Variants in DMD observed in about 807,000 individuals in gnomAD.
DMD encodes dystrophin.
A neutral mutation model predicts 330.1 loss-of-function variants in DMD; 63 were observed. The ratio of observed to expected loss-of-function variants is 0.19; its 90% CI spans 0.16 to 0.24. The LOEUF is 0.24. DMD is among the 10% of genes least tolerant of loss of function. The pLI, the probability that DMD is intolerant of heterozygous loss-of-function variation, is 1.00. For missense variants in DMD, 3,344 were observed against 2,684.1 expected (o/e 1.25, Z -5.43); for synonymous variants, 1,223 against 959.8 (o/e 1.27, Z -5.07).
rs2092333809 is a variant in DMD at position 32,970,307 on chromosome X, T to C, written c.93+49832A>G. Among the ~76,000 whole-genome samples, 2 of 94,377 alleles carry C rather than the reference T, an allele frequency of 2.1e-5. 1 individual carries two copies. The highest frequency in any genetic ancestry group is 9.6e-5 in the African/African-American group (2 of 20,902). 82.0% of individuals were successfully genotyped at this position (94,377 alleles called of 115,157 possible). A position where few individuals can be genotyped will look rare whatever the true frequency, so the allele number is the denominator to read the frequency against. ...ACTTAATTGTAAATTTAAAAATAAC[T>C]AAAAGAGTGTAATTGGATTGCTTGT... On this transcript the variant is annotated intron_variant, in intron 2 of 78. Transcript: ENST00000357033.
At chrX:32,566,928 T>A (rs1256091904) in intron 15 of DMD, among the ~76,000 whole-genome samples, 1 of 112,057 alleles carries the variant, frequency 8.9e-6, no homozygotes, top group Non-Finnish European at 1.9e-5. Context: ...GAATGTAAAC[T>A]AAATCGCGAT....
chrX:32,561,719 C>T (rs973590026), intron 16 of DMD, among the ~76,000 whole-genome samples: 1 of 111,098 alleles, frequency 9.0e-6, no homozygotes, highest in Admixed American at 9.7e-5. Flanking sequence ...CTGAGCAGAC[C>T]AACCCCAACA....
At chrX:32,402,883 G>T (rs1257406046) in intron 30 of DMD, among the ~76,000 whole-genome samples, 3 of 111,273 alleles carry the variant, frequency 2.7e-5, no homozygotes, top group Admixed American at 9.6e-5. Flanking sequence ...ATCTTTCTTT[G>T]GTGCTATCTA....
At chrX:32,154,851 C>T (rs1172657948) in intron 44 of DMD, among the ~76,000 whole-genome samples, 1 of 96,388 alleles carries the variant, frequency 1.0e-5, no homozygotes, top group Admixed American at 1.3e-4. Context: ...AGGGCACAAG[C>T]TTTGAAAAAA....
rs1039472917 is a variant in DMD at position 33,125,012 on chromosome X, G to A, written c.31+86270C>T. Among the ~76,000 whole-genome samples the A allele has an allele frequency of 3.4e-3, 213 of 62,009 alleles. 1 individual carries two copies. The highest frequency in any genetic ancestry group is 8.7e-3 in the African/African-American group (129 of 14,785). 53.8% of individuals were successfully genotyped at this position (62,009 alleles called of 115,157 possible). A position where few individuals can be genotyped will look rare whatever the true frequency, so the allele number is the denominator to read the frequency against. On this transcript the variant is annotated intron_variant, in intron 1 of 78. Coordinates refer to ENST00000357033, the MANE Select transcript of DMD (RefSeq NM_004006.3). The stretch of plus-strand genomic sequence containing the variant: ...GCACTCCAGCCTGGGCAACAAGAGC[G>A]AAAGTCCATCTAAAAAAAAAAAAAA...
At chrX:31,202,509 T>C (rs1311015080) in intron 67 of DMD, among the ~76,000 whole-genome samples, 3 of 99,896 alleles carry the variant, frequency 3.0e-5, no homozygotes, top group Admixed American at 1.2e-4. Context: ...AATGAACTTA[T>C]TATGTGTGCA....
At position 32,742,123 on chromosome X, in the gene DMD, A is replaced by T. The variant is rs1271170296; in HGVS notation, c.650-42830T>A. On this transcript the variant is annotated intron_variant, in intron 7 of 78. Transcript: ENST00000357033. ...TGGCTATGGTCATGCCACTATGATG[A>T]CCTGGTTACACAGCTACCACCCATT... Among the ~76,000 whole-genome samples the T allele has an allele frequency of 9.9e-5, 11 of 111,505 alleles. No homozygotes were observed. In the Admixed American group the frequency reaches 1.1e-3, roughly 11 times the overall value.
intron 47 of DMD, among the ~76,000 whole-genome samples, chrX:31,887,363 G>A (rs1314048980): frequency 9.0e-6 from 1 of 111,321 alleles, no homozygotes; most frequent in Non-Finnish European, 1.9e-5. Flanking sequence ...AAAATTGTGT[G>A]ACTGATTTCC....
intron 47 of DMD, among the ~76,000 whole-genome samples, chrX:31,906,713 A>G (rs894988377): frequency 9.0e-6 from 1 of 110,866 alleles, no homozygotes; most frequent in African/African-American, 3.4e-5. Context: ...TCCTTGTATA[A>G]CATAAGTCAT....
At chrX:32,038,518 T>C (rs1409086358) in intron 44 of DMD, among the ~76,000 whole-genome samples, 2 of 110,744 alleles carry the variant, frequency 1.8e-5, no homozygotes, top group Non-Finnish European at 3.8e-5. Context: ...CTGGGCGAGG[T>C]CATCAGGGAC....
At chrX:31,839,460 A>C (rs2093271913) in intron 48 of DMD, among the ~76,000 whole-genome samples, 1 of 112,006 alleles carries the variant, frequency 8.9e-6, no homozygotes, top group Non-Finnish European at 1.9e-5. Context: ...GACAGTCGAA[A>C]GGTTCATGGC....
At chrX:32,636,991 G>T (rs1254423620) in intron 11 of DMD, among the ~76,000 whole-genome samples, 1 of 108,306 alleles carries the variant, frequency 9.2e-6, no homozygotes, top group East Asian at 2.9e-4. Context: ...GGGAGACTCT[G>T]TCTCAAAAAA....
chrX:31,813,116 T>G (rs773215698), intron 50 of DMD, among the ~76,000 whole-genome samples: 144 of 111,547 alleles, frequency 1.3e-3, no homozygotes, highest in African/African-American at 4.6e-3. Context: ...TCAGGAGATG[T>G]GGGGTTGGGT....
At chrX:32,173,264 T>C (rs1018756322) in intron 44 of DMD, among the ~76,000 whole-genome samples, 3 of 110,743 alleles carry the variant, frequency 2.7e-5, no homozygotes, top group African/African-American at 9.9e-5. Context: ...CACTCACACA[T>C]GACATAAGAA....
intron 1 of DMD, among the ~76,000 whole-genome samples, chrX:33,242,922 T>C (rs953662164): frequency 1.8e-5 from 2 of 112,150 alleles, no homozygotes; most frequent in Admixed American, 1.9e-4. Context: ...TTCATATCCT[T>C]AGAACACTTT....
intron 1 of DMD, among the ~76,000 whole-genome samples, chrX:33,263,299 A>G (rs1471271815): frequency 9.1e-6 from 1 of 110,309 alleles, no homozygotes; most frequent in Non-Finnish European, 1.9e-5. Context: ...TTTCTCTTAT[A>G]GATCCTATAT....
chrX:31,773,724 CTTTTTTTT>C (rs762551529), intron 51 of DMD, among the ~76,000 whole-genome samples: 1 of 53,557 alleles, frequency 1.9e-5, no homozygotes, highest in Admixed American at 2.2e-4. Context: ...AAGGTTTCTG[CTTTTTTTT>C]TTTTTTTTTT....
intron 55 of DMD, among the ~76,000 whole-genome samples, chrX:31,590,493 G>A (rs780899817): frequency 1.8e-5 from 2 of 111,204 alleles, no homozygotes; most frequent in African/African-American, 6.5e-5. Flanking sequence ...TGTTTTCCTA[G>A]ACTAGTGTAC....
chrX:31,416,961 T>C (rs2061901945), intron 60 of DMD, among the ~76,000 whole-genome samples: 2 of 112,366 alleles, frequency 1.8e-5, no homozygotes, highest in African/African-American at 6.5e-5. Flanking sequence ...GAACAGAGAC[T>C]GAAATAAAGT....
Sources: gnomAD v4.1 joint callset for allele counts (sites outside exome capture counted in the v4.1 genomes callset) on GRCh38, gnomAD v4.1.1 for gene constraint, MANE v1.5 for transcripts, NCBI Gene and HGNC (gene_info 2026-07-23, HGNC 2026-07-21) for gene names.